COPG2: variants seen among roughly 807,000 people sequenced by gnomAD.
The protein encoded by COPG2 is coatomer subunit gamma-2.
In COPG2, 37 loss-of-function variants were observed where a neutral mutation model predicts 46.3. The ratio of observed to expected loss-of-function variants is 0.80; its 90% CI spans 0.61 to 1.05. COPG2 has a LOEUF of 1.05. Ranked by LOEUF, COPG2 falls within the 50% of genes least tolerant of loss-of-function variation. COPG2 has a pLI of 0.00. For missense variants in COPG2, 427 were observed against 387.8 expected, an observed-to-expected ratio of 1.10 and a Z score of -0.85; for synonymous variants, 159 against 129.7, an observed-to-expected ratio of 1.23 and a Z score of -1.53.
At chr7:130,630,075 C>G (rs1795200893) in intron 5 of COPG2, among the ~76,000 whole-genome samples, 1 of 151,842 alleles carries the variant, frequency 6.6e-6, no homozygotes, top group Non-Finnish European at 1.5e-5. Context: ...CGCCACCATA[C>G]CTAATTTTTG....
At chr7:130,662,826 T>G in intron 4 of COPG2, 141 bp downstream of exon 4, 1 of 637,088 alleles carries the variant, frequency 1.6e-6, no homozygotes, top group South Asian at 2.0e-5. Context: ...CGTCTTATAA[T>G]GAATATTTAT....
intron 5 of COPG2, among the ~76,000 whole-genome samples, chr7:130,620,068 T>C (rs1359490273): frequency 1.3e-5 from 2 of 152,236 alleles, no homozygotes; most frequent in Admixed American, 1.3e-4. Flanking sequence ...TTTTAATATG[T>C]AGATTTATTT....
chr7:130,610,976 G>A lies in COPG2; in HGVS notation c.714C>T (p.Arg238=), dbSNP rs543192742. 1.5e-5 allele frequency: 24 copies of A among 1,613,946 alleles called. No homozygotes were observed. In the South Asian group the frequency reaches 2.4e-4, roughly 16 times the overall value. The change falls in exon 9 of 24, where the codon CGC becomes CGT. Residue 238 remains arginine, a synonymous_variant. Transcript: ENST00000425248. ...ACCCATCCTCAGTTTCTTTTAGTAA[G>A]CGACTGGCAATTCGGATCAGCATGC... ...AYCMLIRIAS[R]LLKETEDGHE... is the part of the protein sequence containing the mutation.
At chr7:130,507,157 A>AAAT (rs1799509229) in intron 23 of COPG2, 117 bp downstream of exon 23, 2 of 694,074 alleles carry the variant, frequency 2.9e-6, no homozygotes, top group African/African-American at 1.8e-5. Context: ...ACTGGGTATC[A>AAAT]AATTGTTACT....
intron 2 of COPG2, 54 bp downstream of exon 2, chr7:130,667,428 A>G: frequency 6.9e-7 from 1 of 1,444,294 alleles, no homozygotes; most frequent in Non-Finnish European, 9.7e-7. Flanking sequence ...TTCTCTGCCC[A>G]CCACTCTAAA....
intron 9 of COPG2, chr7:130,605,136 AT>A: frequency 4.0e-6 from 2 of 505,406 alleles, no homozygotes; most frequent in South Asian, 2.9e-5. Flanking sequence ...GAGGCTCTTT[AT>A]TTTCTTTAAT....
At chr7:130,657,058 C>G (rs1472225097) in intron 4 of COPG2, among the ~76,000 whole-genome samples, 1 of 150,858 alleles carries the variant, frequency 6.6e-6, no homozygotes, top group African/African-American at 2.4e-5. Flanking sequence ...CCCAAAAGAA[C>G]CAAAACAATT....
intron 1 of COPG2, among the ~76,000 whole-genome samples, chr7:130,668,428 C>G (rs1297674753): frequency 6.7e-6 from 1 of 148,490 alleles, no homozygotes; most frequent in Admixed American, 6.7e-5. Flanking sequence ...GCGCGCGGCC[C>G]GAAGGGAGGC....
At chr7:130,621,222 C>T (rs1464614842) in intron 5 of COPG2, among the ~76,000 whole-genome samples, 1 of 152,188 alleles carries the variant, frequency 6.6e-6, no homozygotes, top group African/African-American at 2.4e-5. Flanking sequence ...AAGGAACCTG[C>T]TCTGCCTATA....
intron 20 of COPG2, among the ~76,000 whole-genome samples, chr7:130,530,339 TG>T (rs1584964468): frequency 2.6e-5 from 4 of 151,880 alleles, no homozygotes; most frequent in African/African-American, 7.3e-5. Flanking sequence ...GTGGCGGGAC[TG>T]GCTGTGGAGT....
chr7:130,571,845 C>CTCTA (rs1378524429), intron 9 of COPG2, among the ~76,000 whole-genome samples: 28 of 149,096 alleles, frequency 1.9e-4, no homozygotes, highest in African/African-American at 5.6e-4. Flanking sequence ...CTCTCTCTCT[C>CTCTA]TATATATATA....
intron 20 of COPG2, among the ~76,000 whole-genome samples, chr7:130,535,483 C>A (rs1232945732): frequency 6.6e-6 from 1 of 151,800 alleles, no homozygotes; most frequent in Admixed American, 6.6e-5. Flanking sequence ...GTGCTCAGGG[C>A]AGCCTGCAAG....
chr7:130,571,857 A>G (rs1348334799), intron 9 of COPG2, among the ~76,000 whole-genome samples: 1 of 152,020 alleles, frequency 6.6e-6, no homozygotes, highest in Non-Finnish European at 1.5e-5. Flanking sequence ...ATATATATAT[A>G]TATACACAAA....
intron 20 of COPG2, among the ~76,000 whole-genome samples, chr7:130,532,935 G>T (rs1431251535): frequency 6.6e-6 from 1 of 152,132 alleles, no homozygotes; most frequent in East Asian, 1.9e-4. Context: ...GAGAATGCAG[G>T]ATGGTGCAGG....
chr7:130,623,831 T>C (rs1451315015), intron 5 of COPG2, among the ~76,000 whole-genome samples: 2 of 152,056 alleles, frequency 1.3e-5, no homozygotes, highest in African/African-American at 2.4e-5. Flanking sequence ...GGAAAAAAAT[T>C]GAAAAATAAA....
intron 5 of COPG2, among the ~76,000 whole-genome samples, chr7:130,634,444 A>T (rs782433481): frequency 6.6e-6 from 1 of 152,028 alleles, no homozygotes; most frequent in African/African-American, 2.4e-5. Flanking sequence ...CCCATCCCTT[A>T]TAAGTTGAAT....
intron 15 of COPG2, among the ~76,000 whole-genome samples, chr7:130,552,040 G>A (rs890424798): frequency 2.0e-5 from 3 of 152,160 alleles, no homozygotes; most frequent in Admixed American, 6.5e-5. Flanking sequence ...ACCCTATGGA[G>A]AACTAATATT....
At chr7:130,605,177 A>G (rs1563056864) in intron 9 of COPG2, 4 of 519,346 alleles carry the variant, frequency 7.7e-6, no homozygotes, top group African/African-American at 1.9e-5. Context: ...CAAACTAGCT[A>G]CTTTCTCCTG....
Position 130,508,786 on chromosome 7 carries a change from T to C in COPG2, c.2150-127A>G, listed in dbSNP as rs1584957488. Reference sequence around the variant, plus strand: ...AACACACATGCCCTGTTGTCTGGGGTAGTGGTTCTCAAAAGCAGCCTACAA... The same window carrying C: ...AACACACATGCCCTGTTGTCTGGGGCAGTGGTTCTCAAAAGCAGCCTACAA... On this transcript the variant is annotated intron_variant, in intron 20 of 23. Coordinates refer to ENST00000425248, the MANE Select transcript of COPG2 (RefSeq NM_012133.6). The C allele has an allele frequency of 1.3e-5, 8 of 621,784 alleles. No individual in the cohort carries two copies. In the East Asian group the frequency reaches 1.9e-4, roughly 15 times the overall value. The allele number at this position is 621,784 out of a possible 1,614,324, so 38.5% of individuals were successfully genotyped here. A position where few individuals can be genotyped will look rare whatever the true frequency, so the allele number is the denominator to read the frequency against.
Sources: allele counts gnomAD v4.1 joint callset (sites outside exome capture counted in the v4.1 genomes callset), GRCh38; gene constraint gnomAD v4.1.1; transcripts MANE v1.5; gene names NCBI Gene and HGNC (gene_info 2026-07-23, HGNC 2026-07-21).